PPP2R2B: variants seen among roughly 807,000 people sequenced by gnomAD.
The protein encoded by PPP2R2B is protein phosphatase 2 regulatory subunit Bbeta, also known as serine/threonine-protein phosphatase 2A 55 kDa regulatory subunit B beta isoform.
A neutral mutation model predicts 46.0 loss-of-function variants in PPP2R2B; 5 were observed. The observed-to-expected ratio is 0.11, with a 90% CI of 0.06 to 0.23. The LOEUF is 0.23. Among genes scored for constraint, PPP2R2B ranks in the 10% least tolerant of loss-of-function variants. PPP2R2B has a pLI of 1.00. For synonymous variants in PPP2R2B, 215 were observed against 206.7 expected, an observed-to-expected ratio of 1.04 and a Z score of -0.34; for missense variants, 367 against 575.0, an observed-to-expected ratio of 0.64 and a Z score of 3.70.
intron 2 of PPP2R2B, among the ~76,000 whole-genome samples, chr5:146,774,124 G>C (rs1166782127): frequency 6.6e-6 from 1 of 152,092 alleles, no homozygotes; most frequent in East Asian, 1.9e-4. Context: ...GATTTTCCTG[G>C]ATACTCTAAC....
intron 1 of PPP2R2B, among the ~76,000 whole-genome samples, chr5:146,917,429 T>C (rs1282832620): frequency 2.0e-5 from 3 of 152,252 alleles, no homozygotes; most frequent in Non-Finnish European, 4.4e-5. Context: ...AGGTCATTCC[T>C]TGTACAGCAT....
At chr5:146,837,658 G>T (rs890101370) in intron 2 of PPP2R2B, among the ~76,000 whole-genome samples, 2 of 152,146 alleles carry the variant, frequency 1.3e-5, no homozygotes, top group Non-Finnish European at 2.9e-5. Context: ...ATTTCCACAT[G>T]TAATCAATAT....
intron 5 of PPP2R2B, among the ~76,000 whole-genome samples, chr5:146,680,311 C>T (rs1424223135): frequency 1.7e-4 from 25 of 149,570 alleles, no homozygotes; most frequent in Non-Finnish European, 3.1e-4. Flanking sequence ...AACCAAACAC[C>T]GCATATTCTC....
chr5:146,634,254 C>A (rs1774640646), intron 7 of PPP2R2B, among the ~76,000 whole-genome samples: 1 of 152,200 alleles, frequency 6.6e-6, no homozygotes, highest in African/African-American at 2.4e-5. Context: ...TGCCTTCGAG[C>A]TGGAACATTG....
intron 5 of PPP2R2B, among the ~76,000 whole-genome samples, chr5:146,683,245 A>C (rs1778290288): frequency 6.6e-6 from 1 of 152,188 alleles, no homozygotes; most frequent in African/African-American, 2.4e-5. Context: ...TAACTTTTAC[A>C]ATCTCCTTGA....
chr5:146,724,465 A>T (rs1207975613), intron 2 of PPP2R2B, among the ~76,000 whole-genome samples: 2 of 152,190 alleles, frequency 1.3e-5, no homozygotes, highest in Non-Finnish European at 2.9e-5. Context: ...CAGCATAGTG[A>T]TCGACTCACA....
At chr5:146,922,306 A>C (rs1471724378) in intron 1 of PPP2R2B, 4 of 152,226 alleles carry the variant, frequency 2.6e-5, no homozygotes, top group Non-Finnish European at 5.9e-5. Context: ...CTGTGTATCA[A>C]AATGAAAGCT....
intron 2 of PPP2R2B, among the ~76,000 whole-genome samples, chr5:146,748,232 TG>T (rs1464080609): frequency 6.6e-6 from 1 of 152,176 alleles, no homozygotes; most frequent in African/African-American, 2.4e-5. Flanking sequence ...AACCCATGGC[TG>T]GTTGATTTCC....
At chr5:147,006,330 T>C (rs1754440921) in intron 1 of PPP2R2B, among the ~76,000 whole-genome samples, 2 of 152,234 alleles carry the variant, frequency 1.3e-5, no homozygotes, top group Admixed American at 1.3e-4. Context: ...TAAGTTAATA[T>C]GGACTGAACG....
At chr5:146,747,758 C>T (rs141026817) in intron 2 of PPP2R2B, among the ~76,000 whole-genome samples, 2 of 152,218 alleles carry the variant, frequency 1.3e-5, no homozygotes, top group East Asian at 3.9e-4. Context: ...ATTATTTCTT[C>T]AATTTATGTT....
At chr5:146,811,252 C>G (rs1757524032) in intron 2 of PPP2R2B, among the ~76,000 whole-genome samples, 1 of 152,184 alleles carries the variant, frequency 6.6e-6, no homozygotes, top group South Asian at 2.1e-4. Context: ...TCCACCTCGG[C>G]CTCTGAAAGT....
chr5:147,055,736 C>G (rs930205324), exon 1 of PPP2R2B: 4 of 1,612,944 alleles, frequency 2.5e-6, no homozygotes, highest in Non-Finnish European at 3.4e-6. Context: ...ACGAGAGAAG[C>G]ATTTCATCTT....
At chr5:146,879,509 C>T (rs982992795), upstream of PPP2R2B, among the ~76,000 whole-genome samples, 2 of 152,146 alleles carry the variant, frequency 1.3e-5, no homozygotes, top group African/African-American at 4.8e-5. Flanking sequence ...TATTTGCTGT[C>T]AGCATGGAAG....
intron 2 of PPP2R2B, among the ~76,000 whole-genome samples, chr5:146,837,127 C>CA (rs1395468792): frequency 2.0e-5 from 3 of 152,164 alleles, no homozygotes; most frequent in African/African-American, 7.2e-5. Flanking sequence ...TACGATGATG[C>CA]AAAAGTGATA....
intron 1 of PPP2R2B, among the ~76,000 whole-genome samples, chr5:146,942,964 A>G (rs1004446076): frequency 4.6e-5 from 7 of 151,638 alleles, no homozygotes; most frequent in Non-Finnish European, 8.8e-5. Flanking sequence ...CGCCTGACTA[A>G]TTTTTTTTGT....
intron 1 of PPP2R2B, among the ~76,000 whole-genome samples, chr5:146,911,648 T>C (rs1763187124): frequency 6.6e-6 from 1 of 152,204 alleles, no homozygotes; most frequent in Non-Finnish European, 1.5e-5. Flanking sequence ...TGGGAGACTA[T>C]TGCCTTTTGG....
chr5:147,035,442 A>T (rs1755991185), intron 1 of PPP2R2B, among the ~76,000 whole-genome samples: 1 of 152,152 alleles, frequency 6.6e-6, no homozygotes, highest in South Asian at 2.1e-4. Flanking sequence ...ACACACAGCC[A>T]AACCATATCA....
At chr5:146,995,971 T>G (rs961437456) in intron 1 of PPP2R2B, among the ~76,000 whole-genome samples, 2 of 152,226 alleles carry the variant, frequency 1.3e-5, no homozygotes, top group Non-Finnish European at 2.9e-5. Context: ...GAGTTCAAAT[T>G]TCAACACTCT....
chr5:147,016,742 G>A (rs1185970847), intron 1 of PPP2R2B, among the ~76,000 whole-genome samples: 1 of 151,518 alleles, frequency 6.6e-6, no homozygotes, highest in Non-Finnish European at 1.5e-5. Context: ...GTCAAAAGAA[G>A]GCAAGAGAAT....
Sources: allele counts gnomAD v4.1 joint callset (sites outside exome capture counted in the v4.1 genomes callset), GRCh38; gene constraint gnomAD v4.1.1; transcripts MANE v1.5; gene names NCBI Gene and HGNC (gene_info 2026-07-23, HGNC 2026-07-21).